Variants in FAM135B observed in about 807,000 individuals in gnomAD.
FAM135B encodes the protein protein FAM135B.
In FAM135B, 43 loss-of-function variants were observed where a neutral mutation model predicts 127.7. The ratio of observed to expected loss-of-function variants is 0.34; its 90% CI spans 0.26 to 0.43. FAM135B has a LOEUF of 0.43. Ranked by LOEUF, FAM135B falls within the 20% of genes least tolerant of loss-of-function variation. FAM135B has a pLI of 1.00. For missense variants in FAM135B, 1,558 were observed against 1,725.6 expected, an observed-to-expected ratio of 0.90 and a Z score of 1.72; for synonymous variants, 670 against 665.1, an observed-to-expected ratio of 1.01 and a Z score of -0.11.
At chr8:138,448,417 C>T (rs1392489490) in intron 1 of FAM135B, among the ~76,000 whole-genome samples, 1 of 152,102 alleles carries the variant, frequency 6.6e-6, no homozygotes, top group Non-Finnish European at 1.5e-5. Context: ...TCATTTTTTC[C>T]TTAGATTAGC....
intron 1 of FAM135B, among the ~76,000 whole-genome samples, chr8:138,395,289 G>A (rs997875293): frequency 1.3e-5 from 2 of 152,124 alleles, no homozygotes; most frequent in Non-Finnish European, 2.9e-5. Context: ...GGAATTCCCA[G>A]CAGAACTGCC....
At chr8:138,230,205 C>T (rs1337816876) in intron 7 of FAM135B, among the ~76,000 whole-genome samples, 1 of 152,160 alleles carries the variant, frequency 6.6e-6, no homozygotes. Context: ...TCATTCTGAT[C>T]AGCCACAATC....
chr8:138,155,573 T>C (rs917600935), intron 12 of FAM135B, among the ~76,000 whole-genome samples: 1 of 151,970 alleles, frequency 6.6e-6, no homozygotes, highest in African/African-American at 2.4e-5. Flanking sequence ...GAGACACACA[T>C]AGGCTCAAAA....
chr8:138,206,345 A>AGCTCT (rs1817594821), intron 7 of FAM135B, among the ~76,000 whole-genome samples: 4 of 141,576 alleles, frequency 2.8e-5, no homozygotes, highest in African/African-American at 5.1e-5. Context: ...ACCTACCCAC[A>AGCTCT]ACTCCAGCAT....
rs564885892 is a variant in FAM135B, at chr8:138,472,031, G to A, written c.-20+24640C>T. 8.7e-4 allele frequency among the ~76,000 whole-genome samples: 133 copies of A among 152,080 alleles called. 2 individuals are homozygous for A. The highest frequency in any genetic ancestry group is 2.4e-4 in the Non-Finnish European group (16 of 68,016). ...TGAAACTGGCAATTAGAAGACTGGT[G>A]ATTTGCAAAAGGGCATGTTCAGTGG... On this transcript the variant is annotated intron_variant, in intron 1 of 19. Transcript: ENST00000395297.
rs574568863 is a variant in FAM135B, at chr8:138,302,573, C to A, written c.157+8268G>T. The stretch of plus-strand genomic sequence containing the variant: ...AGTCATAAAGATCTGCTGGGGGGAC[C>A]CTTCTCATTTTGAGCAGATGAAGAT... On this transcript the variant is annotated intron_variant, in intron 3 of 19. Coordinates refer to ENST00000395297, the MANE Select transcript of FAM135B (RefSeq NM_015912.4). 0.02 allele frequency among the ~76,000 whole-genome samples: 3 copies of A among 150 alleles called. No individual in the cohort carries two copies. In the East Asian group the frequency reaches 0.21, roughly 11 times the overall value. The allele number at this position is 150 out of a possible 152,430, so 0.1% of individuals were successfully genotyped here.
chr8:138,488,264 G>A (rs1274011641), intron 1 of FAM135B, among the ~76,000 whole-genome samples: 2 of 152,104 alleles, frequency 1.3e-5, no homozygotes, highest in African/African-American at 2.4e-5. Flanking sequence ...TTTATTGCAC[G>A]CTAAATGGGT....
At chr8:138,305,021 C>CA in intron 3 of FAM135B, among the ~76,000 whole-genome samples, 1 of 152,276 alleles carries the variant, frequency 6.6e-6, no homozygotes, top group South Asian at 2.1e-4. Flanking sequence ...CTGGGGGCTG[C>CA]AGTGTTTTAC....
At chr8:138,347,539 GCC>G (rs767251783) in intron 2 of FAM135B, among the ~76,000 whole-genome samples, 2 of 152,170 alleles carry the variant, frequency 1.3e-5, no homozygotes, top group Non-Finnish European at 2.9e-5. Flanking sequence ...AAGGAATGGT[GCC>G]CAGTCAGGAT....
chr8:138,403,763 C>A (rs1420519558), intron 1 of FAM135B, among the ~76,000 whole-genome samples: 2 of 152,178 alleles, frequency 1.3e-5, no homozygotes, highest in Admixed American at 6.5e-5. Flanking sequence ...AAGACCTACA[C>A]CTCAGTGTTC....
At chr8:138,258,589 T>A (rs541767306) in intron 4 of FAM135B, among the ~76,000 whole-genome samples, 1 of 152,182 alleles carries the variant, frequency 6.6e-6, no homozygotes, top group South Asian at 2.1e-4. Context: ...CAAAGTAAAC[T>A]CCAATTTTAA....
chr8:138,404,282 AT>A (rs1305844056), intron 1 of FAM135B, among the ~76,000 whole-genome samples: 1 of 152,210 alleles, frequency 6.6e-6, no homozygotes, highest in African/African-American at 2.4e-5. Context: ...AATTAAAAAA[AT>A]GCACACATCT....
chr8:138,164,138 G>A (rs1218117850), intron 12 of FAM135B, among the ~76,000 whole-genome samples: 1 of 152,188 alleles, frequency 6.6e-6, no homozygotes, highest in Non-Finnish European at 1.5e-5. Flanking sequence ...AGAGAAAATA[G>A]TTCTTTATCA....
intron 1 of FAM135B, among the ~76,000 whole-genome samples, chr8:138,423,943 C>G (rs1257581442): frequency 6.6e-6 from 1 of 152,150 alleles, no homozygotes; most frequent in Non-Finnish European, 1.5e-5. Flanking sequence ...AGCCATATTT[C>G]TCCCATTTGC....
chr8:138,159,574 G>A (rs533521844), intron 12 of FAM135B, among the ~76,000 whole-genome samples: 1 of 144,766 alleles, frequency 6.9e-6, no homozygotes, highest in South Asian at 2.4e-4. Flanking sequence ...TGGACACAGG[G>A]TGGGTAGCAC....
intron 1 of FAM135B, among the ~76,000 whole-genome samples, chr8:138,445,322 A>C (rs1406163801): frequency 6.6e-6 from 1 of 152,114 alleles, no homozygotes; most frequent in African/African-American, 2.4e-5. Flanking sequence ...CATCATTCTG[A>C]TACCAAAGCC....
intron 12 of FAM135B, among the ~76,000 whole-genome samples, chr8:138,156,851 A>C (rs1306147214): frequency 1.3e-5 from 2 of 152,160 alleles, no homozygotes; most frequent in Non-Finnish European, 2.9e-5. Flanking sequence ...ATTCACAGCC[A>C]AATTCCACCA....
Position 138,209,490 on chromosome 8 carries a change from AATGTGGGCTGCCAG to A in FAM135B, c.670-11835_670-11822del, listed in dbSNP as rs928012976. Among the ~76,000 whole-genome samples the A allele has an allele frequency of 7.9e-5, 12 of 152,250 alleles. No individual in the cohort carries two copies. In the East Asian group the frequency reaches 1.7e-3, roughly 22 times the overall value. On this transcript the variant is annotated intron_variant, in intron 7 of 19. Coordinates refer to ENST00000395297, the MANE Select transcript of FAM135B (RefSeq NM_015912.4). ...AAAATAACAAAGTGCAGGGAGACAGAATGTGGGCTGCCAGATGTGGGCTGCCAGAGTCCAGGAGA... is the reference window on the plus strand; with the variant it reads ...AAAATAACAAAGTGCAGGGAGACAGAATGTGGGCTGCCAGAGTCCAGGAGA...
At chr8:138,480,948 T>C (rs1814748638) in intron 1 of FAM135B, among the ~76,000 whole-genome samples, 1 of 152,216 alleles carries the variant, frequency 6.6e-6, no homozygotes. Context: ...GATAAAACTG[T>C]TGTTAAGATT....
Sources: gnomAD v4.1 joint callset for allele counts (sites outside exome capture counted in the v4.1 genomes callset) on GRCh38, gnomAD v4.1.1 for gene constraint, MANE v1.5 for transcripts, NCBI Gene and HGNC (gene_info 2026-07-23, HGNC 2026-07-21) for gene names.